The following LINC00632 variants were observed in gnomAD, a reference collection of about 807,000 sequenced individuals.
The protein encoded by LINC00632 is long independently transcribed non-coding RNA 632.
At chrX:140,773,956 CAATACTT>C (rs749192003) in exon 4 of LINC00632, among the ~76,000 whole-genome samples, 5 of 112,361 alleles carry the variant, frequency 4.4e-5, no homozygotes, top group Non-Finnish European at 7.5e-5. Flanking sequence ...ATAAAACAAT[CAATACTT>C]AATGAAGTCT....
intron 2 of LINC00632, chrX:140,713,984 C>A: frequency 3.9e-6 from 1 of 257,617 alleles, no homozygotes; most frequent in Admixed American, 5.2e-5. Context: ...ACTCTCAAGG[C>A]CAGTAGACTC....
rs1410097182 is a variant in LINC00632, at chrX:140,737,195, C to T, written n.191+3231C>T. Among the ~76,000 whole-genome samples, 3 of 111,108 alleles carry T rather than the reference C, an allele frequency of 2.7e-5. No homozygotes were observed. The East Asian group carries it at 8.4e-4, about 31-fold the overall frequency. ...CATTACAAGCTTTAGCCACCGCAGT[C>T]GGCTGAGGATTGATTTTAATTGGAA... On this transcript the variant is annotated intron_variant and non_coding_transcript_variant, in intron 3 of 4. Transcript: ENST00000648200.
exon 5 of LINC00632, among the ~76,000 whole-genome samples, chrX:140,777,427 C>T (rs972859647): frequency 1.8e-5 from 2 of 112,531 alleles, no homozygotes; most frequent in African/African-American, 6.5e-5. Context: ...GGATTCGCCA[C>T]AGTTCCAGGA....
intron 2 of LINC00632, among the ~76,000 whole-genome samples, chrX:140,712,802 T>C (rs1209841818): frequency 9.4e-6 from 1 of 106,543 alleles, no homozygotes; most frequent in Non-Finnish European, 1.9e-5. Context: ...CAACGAAGCT[T>C]TCTCTCTCTA....
intron 3 of LINC00632, among the ~76,000 whole-genome samples, chrX:140,744,573 G>T (rs1299614502): frequency 1.5e-4 from 10 of 67,992 alleles, no homozygotes; most frequent in Middle Eastern, 8.5e-3. Context: ...TTTTTGGGGG[G>T]GGGGGTGGGG....
chrX:140,784,082 T>C, exon 5 of LINC00632: 1 of 1,211,789 alleles, frequency 8.3e-7, no homozygotes, highest in Non-Finnish European at 1.1e-6. Flanking sequence ...AGTCCACGTC[T>C]TCCAACAAAG....
exon 5 of LINC00632, chrX:140,784,369 C>G (rs761029849): frequency 2.5e-6 from 3 of 1,208,800 alleles, no homozygotes; most frequent in Non-Finnish European, 2.2e-6. Context: ...CAAGCCATGT[C>G]TTCCAGAAAA....
At chrX:140,787,703 A>G (rs1932037611) in exon 5 of LINC00632, among the ~76,000 whole-genome samples, 1 of 111,564 alleles carries the variant, frequency 9.0e-6, no homozygotes, top group South Asian at 3.7e-4. Flanking sequence ...TATCTAATGG[A>G]ATACTGTGTG....
intron 3 of LINC00632, among the ~76,000 whole-genome samples, chrX:140,770,817 A>G (rs1931776499): frequency 8.9e-6 from 1 of 112,183 alleles, no homozygotes; most frequent in Non-Finnish European, 1.9e-5. Context: ...AGAACTTGGT[A>G]CTGTTGTTCA....
intron 3 of LINC00632, among the ~76,000 whole-genome samples, chrX:140,750,808 T>C (rs962833080): frequency 1.8e-5 from 2 of 111,068 alleles, no homozygotes; most frequent in African/African-American, 6.6e-5. Flanking sequence ...CAAAGTCCAT[T>C]ATATCATTCT....
intron 3 of LINC00632, among the ~76,000 whole-genome samples, chrX:140,734,546 T>G: frequency 9.1e-6 from 1 of 110,319 alleles, no homozygotes; most frequent in African/African-American, 3.3e-5. Flanking sequence ...ATGAATACAT[T>G]TTCAATATTT....
intron 2 of LINC00632, among the ~76,000 whole-genome samples, chrX:140,724,506 A>ATACT (rs1930875174): frequency 9.2e-6 from 1 of 109,203 alleles, no homozygotes; most frequent in African/African-American, 3.4e-5. Context: ...ATACACACAC[A>ATACT]CATTCCATAC....
intron 2 of LINC00632, among the ~76,000 whole-genome samples, chrX:140,723,552 CAT>C (rs1930790354): frequency 2.9e-3 from 1 of 341 alleles, no homozygotes; most frequent in Non-Finnish European, 6.4e-3. Context: ...ATTCCATACA[CAT>C]ACACAGACAC....
intron 2 of LINC00632, among the ~76,000 whole-genome samples, chrX:140,728,506 G>T (rs1335104148): frequency 9.1e-6 from 1 of 109,433 alleles, no homozygotes; most frequent in Non-Finnish European, 1.9e-5. Flanking sequence ...ACAGGATCAA[G>T]ACCTACCCCA....
rs187103630 is a variant in LINC00632 at position 140,767,449 on chromosome X, C to T, written n.192-4629C>T. On this transcript the variant is annotated intron_variant and non_coding_transcript_variant, in intron 3 of 4. Transcript: ENST00000648200. ...AATTTCCCCTTAGTTTATTGTTTAG[C>T]TCTAGAGCTGCTTAGATTCATTTGC... 2.7e-5 allele frequency among the ~76,000 whole-genome samples: 3 copies of T among 111,515 alleles called. No individual in the cohort carries two copies. In the East Asian group the frequency reaches 8.5e-4, roughly 31 times the overall value.
chrX:140,780,033 T>A (rs185827548), exon 5 of LINC00632, among the ~76,000 whole-genome samples: 1 of 111,536 alleles, frequency 9.0e-6, no homozygotes, highest in East Asian at 2.8e-4. Context: ...CCTCTACCAA[T>A]TACCAGCTGT....
At chrX:140,746,391 A>AT (rs1372542877) in intron 3 of LINC00632, among the ~76,000 whole-genome samples, 1 of 111,912 alleles carries the variant, frequency 8.9e-6, no homozygotes, top group Non-Finnish European at 1.9e-5. Context: ...GTTCCTCTAG[A>AT]TTTTAACTAA....
chrX:140,771,688 T>A lies in LINC00632; in HGVS notation n.192-390T>A, dbSNP rs1234057734. Among the ~76,000 whole-genome samples, 232 of 93,682 alleles carry A rather than the reference T, an allele frequency of 2.5e-3. 2 individuals carry two copies. Among genetic ancestry groups the A allele is most frequent in the African/African-American group, 4.9e-3 (129 of 26,528 alleles). 81.4% of individuals were successfully genotyped at this position (93,682 alleles called of 115,157 possible). Reference sequence around the variant, plus strand: ...GTGTATATATATATATATATATATTTTTTTTTTTTGAGACGGAATCTTACT... The same window carrying A: ...GTGTATATATATATATATATATATTATTTTTTTTTGAGACGGAATCTTACT... On this transcript the variant is annotated intron_variant and non_coding_transcript_variant, in intron 3 of 4. Transcript: ENST00000648200.
intron 2 of LINC00632, among the ~76,000 whole-genome samples, chrX:140,717,613 A>C (rs1219471378): frequency 9.0e-6 from 1 of 111,171 alleles, no homozygotes; most frequent in Non-Finnish European, 1.9e-5. Context: ...GGCACAAGAC[A>C]AAGACTAGCC....
Sources: allele counts gnomAD v4.1 joint callset (sites outside exome capture counted in the v4.1 genomes callset), GRCh38; gene constraint gnomAD v4.1.1; transcripts MANE v1.5; gene names NCBI Gene and HGNC (gene_info 2026-07-23, HGNC 2026-07-21).